ATP1B3: variants seen among roughly 807,000 people sequenced by gnomAD.
ATP1B3 encodes ATPase Na+/K+ transporting subunit beta 3, also known as sodium/potassium-transporting ATPase subunit beta-3.
ATP1B3 carries 10 observed loss-of-function variants against 30.2 expected under a neutral mutation model. The observed-to-expected ratio is 0.33, with a 90% CI of 0.20 to 0.56. The LOEUF (loss-of-function observed/expected upper bound fraction) is 0.56. Among genes scored for constraint, ATP1B3 ranks in the 20% least tolerant of loss-of-function variants. The pLI is 0.90. For synonymous variants in ATP1B3, 113 were observed against 117.0 expected (o/e 0.97, Z 0.22); for missense variants, 238 against 336.7 (o/e 0.71, Z 2.29).
At chr3:141,896,440 G>A (rs1934068152) in intron 1 of ATP1B3, among the ~76,000 whole-genome samples, 1 of 152,118 alleles carries the variant, frequency 6.6e-6, no homozygotes, top group Admixed American at 6.5e-5. Flanking sequence ...AGGATTGCTT[G>A]AGCCCAGGAG....
chr3:141,926,206 T>G lies in ATP1B3; in HGVS notation c.*505T>G, dbSNP rs1279257846. 6.6e-6 allele frequency: 1 copy of G among 152,568 alleles called. No individual in the cohort carries two copies. Among genetic ancestry groups the G allele is most frequent in the Non-Finnish European group, 1.5e-5 (1 of 68,096 alleles). The allele number at this position is 152,568 out of a possible 1,614,324, so 9.5% of individuals were successfully genotyped here. ...AAAAGTGTGTTTGAAAAATATTATCTTGGGTTCTTTGTAAAATTTATTTTT... is the reference window on the plus strand; with the variant it reads ...AAAAGTGTGTTTGAAAAATATTATCGTGGGTTCTTTGTAAAATTTATTTTT... On this transcript the variant is annotated 3_prime_UTR_variant, in exon 7 of 7. Transcript: ENST00000286371.
chr3:141,906,751 T>C (rs565627178), intron 2 of ATP1B3, among the ~76,000 whole-genome samples: 5 of 152,392 alleles, frequency 3.3e-5, no homozygotes, highest in Admixed American at 6.5e-5. Context: ...GTCTTATGAA[T>C]GTTTCCATAC....
At chr3:141,905,133 A>G (rs1934240454) in intron 2 of ATP1B3, among the ~76,000 whole-genome samples, 2 of 152,130 alleles carry the variant, frequency 1.3e-5, no homozygotes, top group Admixed American at 1.3e-4. Context: ...AATTCCAAAG[A>G]CTGTAAACTA....
At chr3:141,881,613 G>A (rs1933727600) in intron 1 of ATP1B3, among the ~76,000 whole-genome samples, 1 of 152,170 alleles carries the variant, frequency 6.6e-6, no homozygotes, top group South Asian at 2.1e-4. Context: ...TTGTCCTGTG[G>A]AGTGTGCCAT....
intron 1 of ATP1B3, among the ~76,000 whole-genome samples, chr3:141,889,280 G>A (rs1933890758): frequency 6.6e-6 from 1 of 152,114 alleles, no homozygotes; most frequent in Non-Finnish European, 1.5e-5. Context: ...ATATTCCATA[G>A]TGTGGAGATT....
chr3:141,902,459 T>C (rs1266179433), intron 1 of ATP1B3, among the ~76,000 whole-genome samples: 1 of 152,198 alleles, frequency 6.6e-6, no homozygotes, highest in Non-Finnish European at 1.5e-5. Flanking sequence ...AAATATATTA[T>C]TACAGAAATG....
At chr3:141,892,833 C>T (rs993406175) in intron 1 of ATP1B3, among the ~76,000 whole-genome samples, 13 of 151,878 alleles carry the variant, frequency 8.6e-5, no homozygotes, top group African/African-American at 2.7e-4. Context: ...TTTAATGGAG[C>T]GGTAGCTTCA....
intron 1 of ATP1B3, among the ~76,000 whole-genome samples, chr3:141,900,390 G>A (rs906149524): frequency 6.6e-6 from 1 of 152,172 alleles, no homozygotes; most frequent in Non-Finnish European, 1.5e-5. Context: ...TGTGCTGGGA[G>A]GGAGATAGCC....
chr3:141,887,151 T>G (rs1023962900), intron 1 of ATP1B3, among the ~76,000 whole-genome samples: 1 of 152,190 alleles, frequency 6.6e-6, no homozygotes, highest in African/African-American at 2.4e-5. Context: ...ACACGGTGTT[T>G]GTTGCAACTA....
chr3:141,893,646 CAT>C (rs370690657), intron 1 of ATP1B3, among the ~76,000 whole-genome samples: 16 of 152,268 alleles, frequency 1.1e-4, no homozygotes, highest in African/African-American at 3.4e-4. Flanking sequence ...GTATAATTAA[CAT>C]ACAATAAACT....
At chr3:141,901,648 C>T (rs534451351) in intron 1 of ATP1B3, among the ~76,000 whole-genome samples, 16 of 151,976 alleles carry the variant, frequency 1.1e-4, no homozygotes, top group African/African-American at 3.6e-4. Flanking sequence ...TGTAATAGTT[C>T]CTTAGAAAGC....
rs913508692 is a variant in ATP1B3 at position 141,906,782 on chromosome 3, G to A, written c.239-385G>A. On this transcript the variant is annotated intron_variant, in intron 2 of 6. Transcript: ENST00000286371. The stretch of plus-strand genomic sequence containing the variant: ...CATACAATTTAAATGACAAAAGTAC[G>A]TAGGCTTTGATTTGCTCAAATTTTT... Among the ~76,000 whole-genome samples, 12 of 152,318 alleles carry A rather than the reference G, an allele frequency of 7.9e-5. No individual in the cohort carries two copies. In the South Asian group the frequency reaches 1.4e-3, roughly 18 times the overall value.
intron 1 of ATP1B3, among the ~76,000 whole-genome samples, chr3:141,898,980 C>T (rs974995050): frequency 6.6e-6 from 1 of 152,042 alleles, no homozygotes; most frequent in Non-Finnish European, 1.5e-5. Flanking sequence ...AAGCCAGTGA[C>T]AAAAGCCATG....
chr3:141,876,662 C>G lies in ATP1B3; in HGVS notation c.-140C>G, dbSNP rs1012774592. 21 of 545,246 alleles carry G rather than the reference C, an allele frequency of 3.9e-5. No individual in the cohort carries two copies. The East Asian group carries it at 7.3e-4, about 19-fold the overall frequency. The allele number at this position is 545,246 out of a possible 1,614,324, so 33.8% of individuals were successfully genotyped here. ...CGGCGCAGTCGGCTCGAGTACTCCC[C>G]GTAACGAGGAGGTGTTCTCGGCCGT... On this transcript the variant is annotated 5_prime_UTR_variant, in exon 1 of 7. Transcript: ENST00000286371.
At chr3:141,902,286 TA>T in intron 1 of ATP1B3, 3 of 1,173,212 alleles carry the variant, frequency 2.6e-6, no homozygotes, top group Non-Finnish European at 3.4e-6. Flanking sequence ...TTGCTTTAAC[TA>T]TTTCCCCTTT....
intron 1 of ATP1B3, among the ~76,000 whole-genome samples, chr3:141,883,762 A>G (rs1231751067): frequency 1.3e-5 from 2 of 152,148 alleles, no homozygotes; most frequent in Non-Finnish European, 2.9e-5. Flanking sequence ...TAATGGCTTC[A>G]CAGTGTTTGA....
At chr3:141,891,521 A>G (rs1356634401) in intron 1 of ATP1B3, among the ~76,000 whole-genome samples, 1 of 152,164 alleles carries the variant, frequency 6.6e-6, no homozygotes, top group Non-Finnish European at 1.5e-5. Context: ...ATCTGTTTTC[A>G]CATTTACTAA....
intron 5 of ATP1B3, chr3:141,916,702 A>G (rs1559873298): frequency 1.3e-6 from 1 of 747,634 alleles, no homozygotes. Context: ...TAAAGTTGTG[A>G]AAAAAAATTC....
At chr3:141,909,901 G>A (rs58370035) in intron 3 of ATP1B3, among the ~76,000 whole-genome samples, 34,888 of 152,172 alleles carry the variant, frequency 0.23, 4,173 homozygotes, top group African/African-American at 0.26. Context: ...CTAGGTAAGT[G>A]GAGATGGTGG....
Sources: allele counts gnomAD v4.1 joint callset (sites outside exome capture counted in the v4.1 genomes callset), GRCh38; gene constraint gnomAD v4.1.1; transcripts MANE v1.5; gene names NCBI Gene and HGNC (gene_info 2026-07-23, HGNC 2026-07-21).